The following ANTXR2 variants were observed in gnomAD, a reference collection of about 807,000 sequenced individuals.
ANTXR2 encodes ANTXR cell adhesion molecule 2, also known as anthrax toxin receptor 2.
A neutral mutation model predicts 73.7 loss-of-function variants in ANTXR2; 44 were observed. That is an observed-to-expected ratio of 0.60 (90% confidence interval 0.47 to 0.77). The LOEUF is 0.77. Among genes scored for constraint, ANTXR2 ranks in the 30% least tolerant of loss-of-function variants. The pLI is 0.00. For missense variants in ANTXR2, 604 were observed against 592.5 expected (o/e 1.02, Z -0.20); for synonymous variants, 217 against 205.9 (o/e 1.05, Z -0.46).
intron 12 of ANTXR2, among the ~76,000 whole-genome samples, chr4:79,990,694 A>G (rs1196435654): frequency 6.6e-6 from 1 of 152,128 alleles, no homozygotes; most frequent in Non-Finnish European, 1.5e-5. Context: ...AAGCAAAAAG[A>G]AAAAAGCAGG....
chr4:79,930,894 C>T (rs770247876), intron 16 of ANTXR2, among the ~76,000 whole-genome samples: 1 of 152,176 alleles, frequency 6.6e-6, no homozygotes, highest in Admixed American at 6.5e-5. Flanking sequence ...CCGCTTACAG[C>T]TCTAAAGTGT....
At chr4:80,038,298 A>C (rs1733073571) in intron 7 of ANTXR2, among the ~76,000 whole-genome samples, 1 of 152,152 alleles carries the variant, frequency 6.6e-6, no homozygotes, top group African/African-American at 2.4e-5. Context: ...AATTGTGCAT[A>C]TGTTGACTTG....
At chr4:80,048,813 G>A (rs912936437) in intron 7 of ANTXR2, among the ~76,000 whole-genome samples, 1 of 151,568 alleles carries the variant, frequency 6.6e-6, no homozygotes, top group Non-Finnish European at 1.5e-5. Context: ...AGACATTGCT[G>A]AGAAAAAAAT....
intron 16 of ANTXR2, among the ~76,000 whole-genome samples, chr4:79,958,275 T>C (rs1728999643): frequency 6.6e-6 from 1 of 152,108 alleles, no homozygotes; most frequent in Non-Finnish European, 1.5e-5. Context: ...CTACAGTAAC[T>C]GTCAAAAGGT....
chr4:79,983,360 A>G (rs1177855477), intron 14 of ANTXR2, among the ~76,000 whole-genome samples: 1 of 152,136 alleles, frequency 6.6e-6, no homozygotes, highest in African/African-American at 2.4e-5. Context: ...GGCTAGTCTG[A>G]AAGTTCAATG....
intron 16 of ANTXR2, among the ~76,000 whole-genome samples, chr4:79,965,445 C>T (rs1729325999): frequency 6.6e-6 from 1 of 152,144 alleles, no homozygotes; most frequent in Admixed American, 6.5e-5. Context: ...TACTTCTTGA[C>T]AATACACATC....
chr4:79,954,688 C>T (rs1420064133), intron 16 of ANTXR2, among the ~76,000 whole-genome samples: 1 of 152,070 alleles, frequency 6.6e-6, no homozygotes, highest in Non-Finnish European at 1.5e-5. Flanking sequence ...CTGAAATATA[C>T]TTTCATCTAA....
intron 16 of ANTXR2, chr4:79,965,003 C>A (rs1254053801): frequency 2.6e-5 from 4 of 152,216 alleles, no homozygotes. Flanking sequence ...CGCTTTGATA[C>A]TTTCTGCCTG....
chr4:79,924,765 T>C (rs1254320604), intron 16 of ANTXR2, among the ~76,000 whole-genome samples: 2 of 152,164 alleles, frequency 1.3e-5, no homozygotes, highest in East Asian at 1.9e-4. Context: ...ATCTCTGCTA[T>C]AGTTTTTAAG....
chr4:80,013,001 A>G (rs1204426752), intron 11 of ANTXR2, among the ~76,000 whole-genome samples: 1 of 152,226 alleles, frequency 6.6e-6, no homozygotes, highest in Non-Finnish European at 1.5e-5. Flanking sequence ...AGCAGAGCTG[A>G]ACACAGCGTC....
intron 2 of ANTXR2, 123 bp from the exon 3 acceptor site, chr4:80,069,630 A>T (rs982193174): frequency 7.9e-5 from 55 of 699,290 alleles, no homozygotes; most frequent in Non-Finnish European, 1.2e-4. Flanking sequence ...CTTCTTTTAA[A>T]TGACATTCCC....
intron 16 of ANTXR2, among the ~76,000 whole-genome samples, chr4:79,916,038 A>G (rs1298720382): frequency 6.6e-6 from 1 of 152,010 alleles, no homozygotes; most frequent in Non-Finnish European, 1.5e-5. Flanking sequence ...GATGTCATGA[A>G]GAGAAGTTCT....
intron 3 of ANTXR2, among the ~76,000 whole-genome samples, chr4:80,061,632 A>G (rs1228860437): frequency 3.9e-5 from 6 of 152,156 alleles, no homozygotes; most frequent in Non-Finnish European, 5.9e-5. Context: ...TGTTCTCAAG[A>G]TGTTATTTAT....
chr4:80,069,584 G>T (rs143766445), intron 2 of ANTXR2, 77 bp from the exon 3 acceptor site: 1 of 1,201,450 alleles, frequency 8.3e-7, no homozygotes, highest in Non-Finnish European at 1.2e-6. Flanking sequence ...TAGTTAGGGA[G>T]GTTCATTTAA....
intron 16 of ANTXR2, chr4:79,965,033 A>G (rs1050266536): frequency 1.3e-5 from 2 of 152,190 alleles, no homozygotes; most frequent in Admixed American, 6.5e-5. Context: ...TACTTGATCA[A>G]GGACTTCAAT....
intron 16 of ANTXR2, among the ~76,000 whole-genome samples, chr4:79,976,326 T>G (rs911604347): frequency 6.6e-6 from 1 of 152,216 alleles, no homozygotes; most frequent in African/African-American, 2.4e-5. Context: ...TCTAATGAGG[T>G]AGGAGGCAGT....
rs879306141 is a variant in ANTXR2 at position 79,907,209 on chromosome 4, A to G, written c.*220T>C. Reference sequence around the variant, plus strand: ...TTTTCAATGTCATAAATCATGAGTTACCACTGAGTTTCATCACCTCCCATG... The same window carrying G: ...TTTTCAATGTCATAAATCATGAGTTGCCACTGAGTTTCATCACCTCCCATG... On this transcript the variant is annotated 3_prime_UTR_variant, in exon 17 of 17. Coordinates refer to ENST00000403729, the MANE Select transcript of ANTXR2 (RefSeq NM_058172.6). 3.9e-5 allele frequency: 23 copies of G among 590,296 alleles called. No homozygotes were observed. The highest frequency in any genetic ancestry group is 6.5e-5 in the Non-Finnish European group (22 of 337,342). The allele number at this position is 590,296 out of a possible 1,614,324, so 36.6% of individuals were successfully genotyped here.
intron 7 of ANTXR2, among the ~76,000 whole-genome samples, chr4:80,046,843 C>T (rs951148026): frequency 1.3e-5 from 2 of 151,698 alleles, no homozygotes; most frequent in African/African-American, 4.8e-5. Context: ...CCAACAAATG[C>T]TTCTGAATCA....
At chr4:79,983,710 G>T in intron 14 of ANTXR2, among the ~76,000 whole-genome samples, 168 bp downstream of exon 14, 1 of 151,908 alleles carries the variant, frequency 6.6e-6, no homozygotes, top group African/African-American at 2.4e-5. Context: ...GTTTTGCAGC[G>T]GCTAGGATGA....
Sources: gnomAD v4.1 joint callset for allele counts (sites outside exome capture counted in the v4.1 genomes callset) on GRCh38, gnomAD v4.1.1 for gene constraint, MANE v1.5 for transcripts, NCBI Gene and HGNC (gene_info 2026-07-23, HGNC 2026-07-21) for gene names.